The following SGMS1 variants were observed in gnomAD, a reference collection of about 807,000 sequenced individuals.
The protein encoded by SGMS1 is phosphatidylcholine:ceramide cholinephosphotransferase 1.
Under a neutral mutation model 46.2 loss-of-function variants are expected in SGMS1, and 13 were observed. That is an observed-to-expected ratio of 0.28 (90% CI 0.18 to 0.45). The LOEUF is 0.45. Among genes scored for constraint, SGMS1 ranks in the 20% least tolerant of loss-of-function variants. The probability of loss-of-function intolerance (pLI) is 1.00; values close to 1 mark genes in which losing one functional copy is unlikely to be tolerated. For synonymous variants in SGMS1, 203 were observed against 187.8 expected (o/e 1.08, Z -0.66); for missense variants, 324 against 519.9 (o/e 0.62, Z 3.66).
chr10:50,328,283 A>G (rs1482191963), intron 7 of SGMS1, among the ~76,000 whole-genome samples: 1 of 152,210 alleles, frequency 6.6e-6, no homozygotes, highest in Non-Finnish European at 1.5e-5. Context: ...GGCCAGAATC[A>G]TGTGAGTAAC....
intron 3 of SGMS1, among the ~76,000 whole-genome samples, chr10:50,507,213 T>A (rs1056970873): frequency 6.6e-6 from 1 of 152,164 alleles, no homozygotes. Context: ...AATAAGTGTG[T>A]CAAGTCAAGC....
intron 2 of SGMS1, among the ~76,000 whole-genome samples, chr10:50,531,349 C>T (rs977411609): frequency 2.0e-5 from 3 of 151,710 alleles, no homozygotes; most frequent in Admixed American, 1.3e-4. Context: ...TCTATCTGTT[C>T]GAGGAAGTGC....
chr10:50,481,575 A>T (rs1038489021), intron 3 of SGMS1, among the ~76,000 whole-genome samples: 1 of 152,114 alleles, frequency 6.6e-6, no homozygotes, highest in African/African-American at 2.4e-5. Flanking sequence ...GAAAGAATCA[A>T]CTCAAAAACT....
intron 3 of SGMS1, among the ~76,000 whole-genome samples, chr10:50,479,074 T>C: frequency 6.6e-6 from 1 of 151,350 alleles, no homozygotes; most frequent in Non-Finnish European, 1.5e-5. Flanking sequence ...GGTTCTTTGC[T>C]CCAGAATTTC....
intron 6 of SGMS1, among the ~76,000 whole-genome samples, chr10:50,379,235 T>C (rs1009287113): frequency 9.2e-5 from 14 of 152,178 alleles, no homozygotes; most frequent in Non-Finnish European, 2.1e-4. Context: ...TGCAGCCCTA[T>C]TTATGTAACA....
intron 5 of SGMS1, among the ~76,000 whole-genome samples, chr10:50,442,929 A>AATCT (rs755756881): frequency 2.6e-5 from 4 of 152,134 alleles, no homozygotes; most frequent in Non-Finnish European, 5.9e-5. Flanking sequence ...TTCTTCATGA[A>AATCT]ATCTTTGCCT....
chr10:50,448,000 G>T (rs1006233639), intron 5 of SGMS1, among the ~76,000 whole-genome samples: 6 of 152,198 alleles, frequency 3.9e-5, no homozygotes. Flanking sequence ...GGCTAGTCAG[G>T]AACTGTAGTG....
intron 4 of SGMS1, among the ~76,000 whole-genome samples, chr10:50,462,214 T>C (rs1837273876): frequency 6.6e-6 from 1 of 152,110 alleles, no homozygotes; most frequent in South Asian, 2.1e-4. Context: ...GTGAGCTGAT[T>C]GTGTCACTGC....
intron 6 of SGMS1, among the ~76,000 whole-genome samples, chr10:50,421,845 G>A (rs557003158): frequency 9.8e-4 from 149 of 152,274 alleles, no homozygotes; most frequent in African/African-American, 3.5e-3. Flanking sequence ...CTGCCCCAAA[G>A]GGACCCATGC....
chr10:50,561,288 A>C (rs1838234263), intron 2 of SGMS1, among the ~76,000 whole-genome samples: 1 of 152,196 alleles, frequency 6.6e-6, no homozygotes, highest in Non-Finnish European at 1.5e-5. Flanking sequence ...AAAACAGTAC[A>C]ATGAAGTAGG....
rs750905105 is a variant in SGMS1, at chr10:50,618,404, T to C, written c.-684+5303A>G. Among the ~76,000 whole-genome samples, 32 of 152,280 alleles carry C rather than the reference T, an allele frequency of 2.1e-4. 1 individual carries two copies. Among genetic ancestry groups the C allele is most frequent in the Middle Eastern group, 6.8e-3 (2 of 294 alleles). ...TCAAAGTTACCATTGACAAAGTTGA[T>C]AAACAGAAGACAGGATGAGATTAAC... On this transcript the variant is annotated intron_variant, in intron 1 of 10. Coordinates refer to ENST00000361781, the MANE Select transcript of SGMS1 (RefSeq NM_147156.4).
intron 3 of SGMS1, among the ~76,000 whole-genome samples, chr10:50,515,210 T>C (rs1377336404): frequency 6.6e-6 from 1 of 152,164 alleles, no homozygotes; most frequent in Non-Finnish European, 1.5e-5. Context: ...ACTAAAGTAC[T>C]GGAGACACAG....
rs113744862 is a variant in SGMS1 at position 50,309,053 on chromosome 10, TG to T, written c.896-906del. On this transcript the variant is annotated intron_variant, in intron 9 of 10. Coordinates refer to ENST00000361781, the MANE Select transcript of SGMS1 (RefSeq NM_147156.4). ...CCTTTGTGGGAAGATCCCTTCCTAG[TG>T]GGGAAGAGAGATAAGAGACAATACT... 3.7e-3 allele frequency among the ~76,000 whole-genome samples: 567 copies of T among 152,200 alleles called. 2 individuals are homozygous for T. The highest frequency in any genetic ancestry group is 0.012 in the African/African-American group (478 of 41,524).
At chr10:50,595,876 C>T (rs764909078) in intron 1 of SGMS1, among the ~76,000 whole-genome samples, 21 of 152,144 alleles carry the variant, frequency 1.4e-4, no homozygotes, top group African/African-American at 2.9e-4. Context: ...AGTCAGAAGA[C>T]GACTGGGTTC....
At chr10:50,468,181 C>T (rs903759436) in intron 3 of SGMS1, among the ~76,000 whole-genome samples, 1 of 152,296 alleles carries the variant, frequency 6.6e-6, no homozygotes, top group Admixed American at 6.5e-5. Context: ...CCCCAGTTGA[C>T]AGATACCAAT....
intron 8 of SGMS1, among the ~76,000 whole-genome samples, chr10:50,316,920 T>C (rs1212238136): frequency 6.6e-6 from 1 of 152,192 alleles, no homozygotes; most frequent in Non-Finnish European, 1.5e-5. Context: ...CAATTTCAAC[T>C]GGCATGTAAC....
intron 5 of SGMS1, among the ~76,000 whole-genome samples, chr10:50,435,845 A>G (rs953755979): frequency 4.6e-5 from 7 of 152,192 alleles, no homozygotes; most frequent in Admixed American, 1.3e-4. Flanking sequence ...ATGTCTAAAA[A>G]AGTACTCCTT....
At chr10:50,550,500 G>A (rs142913809) in intron 2 of SGMS1, among the ~76,000 whole-genome samples, 25 of 152,176 alleles carry the variant, frequency 1.6e-4, no homozygotes, top group African/African-American at 6.0e-4. Context: ...GGTTTTCAAG[G>A]CCAACACCTC....
chr10:50,314,308 G>A (rs1040303473), intron 8 of SGMS1, among the ~76,000 whole-genome samples: 4 of 152,060 alleles, frequency 2.6e-5, no homozygotes, highest in African/African-American at 7.2e-5. Flanking sequence ...GGGATGGGGG[G>A]AAGCAGTGGC....
Sources: gnomAD v4.1 joint callset for allele counts (sites outside exome capture counted in the v4.1 genomes callset) on GRCh38, gnomAD v4.1.1 for gene constraint, MANE v1.5 for transcripts, NCBI Gene and HGNC (gene_info 2026-07-23, HGNC 2026-07-21) for gene names.